The following ANKS1A variants were observed in gnomAD, a reference collection of about 807,000 sequenced individuals.
The protein encoded by ANKS1A is ankyrin repeat and SAM domain-containing protein 1A.
In ANKS1A, 55 loss-of-function variants were observed where a neutral mutation model predicts 120.3. That is an observed-to-expected ratio of 0.46 (90% CI 0.37 to 0.57). ANKS1A has a LOEUF of 0.57. ANKS1A is among the 20% of genes least tolerant of loss of function. ANKS1A has a pLI of 0.00. For synonymous variants in ANKS1A, 590 were observed against 604.7 expected (o/e 0.98, Z 0.36); for missense variants, 1,123 against 1,480.3 (o/e 0.76, Z 3.96).
chr6:34,896,410 G>T (rs531753721), intron 1 of ANKS1A, among the ~76,000 whole-genome samples: 18 of 152,172 alleles, frequency 1.2e-4, no homozygotes, highest in African/African-American at 4.3e-4. Flanking sequence ...GTGTGATTTT[G>T]TTGGGAGGGC....
intron 10 of ANKS1A, among the ~76,000 whole-genome samples, chr6:35,007,639 T>C (rs942443819): frequency 2.6e-5 from 4 of 152,244 alleles, no homozygotes; most frequent in Admixed American, 1.3e-4. Flanking sequence ...TCTTGTTCTT[T>C]GTGGTGCTTT....
intron 9 of ANKS1A, among the ~76,000 whole-genome samples, chr6:34,994,019 T>A (rs1450685709): frequency 6.6e-6 from 1 of 152,196 alleles, no homozygotes; most frequent in Non-Finnish European, 1.5e-5. Context: ...TCACCCAGGC[T>A]GGAGTTCTGT....
rs1777556797 is a variant in ANKS1A at position 35,079,645 on chromosome 6, C to T, written c.2413C>T (p.Leu805Phe). Reference sequence around the variant, plus strand: ...CAGCTCCATTGACACCGTGAAGAACCTCTGGGAGCTAGAGCTCGTCAATGT... The same window carrying T: ...CAGCTCCATTGACACCGTGAAGAACTTCTGGGAGCTAGAGCTCGTCAATGT... ...GYSSIDTVKN[L>F]WELELVNVLK... Residue 805 changes from leucine (L) to phenylalanine (F), a missense_variant, in exon 15 of 24, where the codon CTC (leucine) becomes TTC (phenylalanine). Physicochemically the swap from Leu to Phe is conservative, Grantham distance 22 (BLOSUM62 0). Coordinates refer to ENST00000360359, the MANE Select transcript of ANKS1A (RefSeq NM_015245.3). The T allele has an allele frequency of 6.2e-7, 1 of 1,614,190 alleles. No homozygotes were observed. The highest frequency in any genetic ancestry group is 8.5e-7 in the Non-Finnish European group (1 of 1,180,036).
rs1470025025 is a variant in ANKS1A at position 35,084,022 on chromosome 6, G to C, written c.2995-99G>C. The C allele has an allele frequency of 1.3e-6, 2 of 1,541,848 alleles. No individual in the cohort carries two copies. Among genetic ancestry groups the C allele is most frequent in the Non-Finnish European group, 1.8e-6 (2 of 1,132,308 alleles). ...AAGGGGGGTTTGCTTGATGCTCTAGGCTGGGACAGAGAACAGTGACAATGG... is the reference window on the plus strand; with the variant it reads ...AAGGGGGGTTTGCTTGATGCTCTAGCCTGGGACAGAGAACAGTGACAATGG... On this transcript the variant is annotated intron_variant, in intron 20 of 23. Coordinates refer to ENST00000360359, the MANE Select transcript of ANKS1A (RefSeq NM_015245.3). This position sits in a 1 kb window ranked among gnomAD's most constrained non-coding sequence, Gnocchi z 4.8.
intron 11 of ANKS1A, among the ~76,000 whole-genome samples, chr6:35,026,151 A>G (rs1344365328): frequency 1.3e-5 from 2 of 152,116 alleles, no homozygotes; most frequent in Non-Finnish European, 2.9e-5. Context: ...TTCTTTTTAT[A>G]CTTTGGTTCT....
At position 35,085,834 on chromosome 6, in the gene ANKS1A, G is replaced by C. The variant is rs749872435; in HGVS notation, c.3201G>C (p.Gln1067His). ...AFEVAYQLAL[Q>H]AQKSRATGAS... Reference sequence around the variant, plus strand: ...AAGTGGCCTATCAGTTGGCCCTGCAGGCCCAGAAGTCCAGGGCGACGGGCG... The same window carrying C: ...AAGTGGCCTATCAGTTGGCCCTGCACGCCCAGAAGTCCAGGGCGACGGGCG... Residue 1067 changes from glutamine (Q) to histidine (H), a missense_variant, in exon 22 of 24, where the codon CAG becomes CAC. Physicochemically the swap from Gln to His is conservative, Grantham distance 24 (BLOSUM62 0). Around this residue, in one of 3 missense-constraint regions of ANKS1A, gnomAD observed 904 missense variants for 1,130.4 expected, o/e 0.80. Transcript: ENST00000360359. This position sits in a 1 kb window ranked among gnomAD's most constrained non-coding sequence, Gnocchi z 4.7. 10 of 1,613,520 alleles carry C rather than the reference G, an allele frequency of 6.2e-6. No homozygotes were observed. In the Admixed American group the frequency reaches 1.7e-4, roughly 27 times the overall value.
chr6:34,997,376 A>G (rs1005800547), intron 10 of ANKS1A, among the ~76,000 whole-genome samples: 10 of 151,848 alleles, frequency 6.6e-5, no homozygotes, highest in Admixed American at 3.9e-4. Flanking sequence ...ATTGATTTTT[A>G]GTAGAGATGG....
At chr6:34,984,117 T>C (rs1772059168) in intron 7 of ANKS1A, among the ~76,000 whole-genome samples, 1 of 151,720 alleles carries the variant, frequency 6.6e-6, no homozygotes, top group Non-Finnish European at 1.5e-5. Flanking sequence ...TATCATCTGA[T>C]TGGTAGGGGG....
intron 7 of ANKS1A, 131 bp from the exon 8 acceptor site, chr6:34,984,951 T>C: frequency 1.4e-6 from 1 of 738,830 alleles, no homozygotes; most frequent in East Asian, 2.7e-5. Flanking sequence ...TGGAACAAAG[T>C]AATCATTTTC....
chr6:34,949,176 G>C (rs1250124068), intron 1 of ANKS1A, among the ~76,000 whole-genome samples: 1 of 152,220 alleles, frequency 6.6e-6, no homozygotes, highest in Admixed American at 6.5e-5. Context: ...AAGAGCTGTG[G>C]ATATAGTTAA....
chr6:35,065,667 C>T (rs1776737158), intron 13 of ANKS1A, among the ~76,000 whole-genome samples: 1 of 152,234 alleles, frequency 6.6e-6, no homozygotes, highest in Admixed American at 6.5e-5. Flanking sequence ...GCCCCTGGGG[C>T]TCATGCTCAT....
chr6:34,892,923 C>T (rs948732898), intron 1 of ANKS1A, among the ~76,000 whole-genome samples: 1 of 152,176 alleles, frequency 6.6e-6, no homozygotes, highest in African/African-American at 2.4e-5. Flanking sequence ...ACTTTGTGTT[C>T]TTCTAGCCTT....
At chr6:35,042,883 T>C (rs1264716679) in intron 11 of ANKS1A, among the ~76,000 whole-genome samples, 1 of 152,224 alleles carries the variant, frequency 6.6e-6, no homozygotes, top group Non-Finnish European at 1.5e-5. Context: ...ATGGTTATAT[T>C]TGGGGGACAT....
chr6:35,015,291 G>GT (rs1204580426), intron 10 of ANKS1A, among the ~76,000 whole-genome samples: 1 of 152,198 alleles, frequency 6.6e-6, no homozygotes. Context: ...GAGGCGAGGA[G>GT]TTTGAGACCA....
At chr6:34,898,953 G>A (rs112018241) in intron 1 of ANKS1A, among the ~76,000 whole-genome samples, 1 of 152,154 alleles carries the variant, frequency 6.6e-6, no homozygotes, top group South Asian at 2.1e-4. Flanking sequence ...TGATGAACAT[G>A]CATGTGGATA....
chr6:34,924,223 AC>A (rs1768592892), intron 1 of ANKS1A, among the ~76,000 whole-genome samples: 1 of 152,016 alleles, frequency 6.6e-6, no homozygotes, highest in African/African-American at 2.4e-5. Context: ...GTTTTTAAAT[AC>A]ATTTTCCTTT....
intron 10 of ANKS1A, among the ~76,000 whole-genome samples, chr6:35,005,166 A>G (rs1182114702): frequency 1.3e-5 from 2 of 152,226 alleles, no homozygotes; most frequent in Non-Finnish European, 2.9e-5. Context: ...GTCAGAGTGT[A>G]TGTGCATGTC....
intron 23 of ANKS1A, among the ~76,000 whole-genome samples, chr6:35,087,869 G>T (rs1228931649): frequency 6.6e-6 from 1 of 152,218 alleles, no homozygotes; most frequent in African/African-American, 2.4e-5. Context: ...CATGTGTGTG[G>T]ACAGCCCCTC....
chr6:34,979,079 T>C (rs1771764353), intron 3 of ANKS1A, among the ~76,000 whole-genome samples: 2 of 151,948 alleles, frequency 1.3e-5, no homozygotes, highest in Non-Finnish European at 2.9e-5. Flanking sequence ...GTATTTTTAG[T>C]GGAGACGGGG....
Sources: allele counts gnomAD v4.1 joint callset (sites outside exome capture counted in the v4.1 genomes callset), GRCh38; gene constraint gnomAD v4.1.1; regional missense constraint gnomAD v4.1.1; non-coding constraint Gnocchi (gnomAD v3.1); transcripts MANE v1.5; gene names NCBI Gene and HGNC (gene_info 2026-07-23, HGNC 2026-07-21).